Variants in PAWR observed in about 807,000 individuals in gnomAD.
The protein encoded by PAWR is pro-apoptotic WT1 regulator, also known as PRKC apoptosis WT1 regulator protein.
PAWR carries 23 observed loss-of-function variants against 32.0 expected under a neutral mutation model. That is an observed-to-expected ratio of 0.72 (90% CI 0.52 to 1.02). The LOEUF is 1.02. Among genes scored for constraint, PAWR ranks in the 50% least tolerant of loss-of-function variants. PAWR has a pLI of 0.00. For missense variants in PAWR, 457 were observed against 437.7 expected (o/e 1.04, Z -0.39); for synonymous variants, 226 against 187.1 (o/e 1.21, Z -1.70).
chr12:79,690,353 G>C lies in PAWR; in HGVS notation c.-109C>G. 2 of 1,350,360 alleles carry C rather than the reference G, an allele frequency of 1.5e-6. No homozygotes were observed. The allele number at this position is 1,350,360 out of a possible 1,614,324, so 83.6% of individuals were successfully genotyped here. A position where few individuals can be genotyped will look rare whatever the true frequency, so the allele number is the denominator to read the frequency against. On this transcript the variant is annotated 5_prime_UTR_variant, in exon 2 of 7. Transcript: ENST00000328827. Reference sequence around the variant, plus strand: ...CGAGGATGCCAGGAGACGACCTCCAGGAGAGGGACGGCCGCCGCTCCCACA... The same window carrying C: ...CGAGGATGCCAGGAGACGACCTCCACGAGAGGGACGGCCGCCGCTCCCACA...
At chr12:79,639,511 T>C (rs1341713862) in intron 2 of PAWR, among the ~76,000 whole-genome samples, 4 of 152,200 alleles carry the variant, frequency 2.6e-5, no homozygotes, top group East Asian at 3.9e-4. Context: ...GTAAAGTTCA[T>C]CTTTAGCCTC....
chr12:79,609,260 T>C (rs1041593002), intron 4 of PAWR, among the ~76,000 whole-genome samples: 2 of 152,170 alleles, frequency 1.3e-5, no homozygotes, highest in African/African-American at 2.4e-5. Context: ...GGTTTCCTTA[T>C]AGAAGCTGGT....
At chr12:79,630,703 C>T (rs1875576971) in intron 2 of PAWR, among the ~76,000 whole-genome samples, 1 of 151,974 alleles carries the variant, frequency 6.6e-6, no homozygotes, top group Non-Finnish European at 1.5e-5. Flanking sequence ...CTGAACAGCT[C>T]TCTATCTAGT....
At chr12:79,597,945 T>TA (rs1342960701) in intron 4 of PAWR, 1 of 152,214 alleles carries the variant, frequency 6.6e-6, no homozygotes, top group Non-Finnish European at 1.5e-5. Context: ...TCTGAAGGCT[T>TA]AACTGGGCTG....
At chr12:79,675,715 T>C (rs79598508) in intron 2 of PAWR, among the ~76,000 whole-genome samples, 1,735 of 152,160 alleles carry the variant, frequency 0.011, 20 homozygotes, top group Non-Finnish European at 0.019. Context: ...AAGGAAACAA[T>C]AGTCACTGGG....
At position 79,591,766 on chromosome 12, in the gene PAWR, A is replaced by C. The variant is rs902394269; in HGVS notation, c.*841T>G. 2 of 152,216 alleles carry C rather than the reference A, an allele frequency of 1.3e-5. No homozygotes were observed. The highest frequency in any genetic ancestry group is 4.8e-5 in the African/African-American group (2 of 41,440). 9.4% of individuals were successfully genotyped at this position (152,216 alleles called of 1,614,324 possible). On this transcript the variant is annotated 3_prime_UTR_variant, in exon 7 of 7. Transcript: ENST00000328827. Reference sequence around the variant, plus strand: ...TATTTTGGTTTTTAGTGTGCATGCTAATATAAAAATATGGATTTTTTTCTC... The same window carrying C: ...TATTTTGGTTTTTAGTGTGCATGCTCATATAAAAATATGGATTTTTTTCTC...
intron 2 of PAWR, among the ~76,000 whole-genome samples, chr12:79,633,163 A>G (rs762662940): frequency 1.3e-5 from 2 of 152,066 alleles, no homozygotes; most frequent in Admixed American, 6.6e-5. Context: ...CAAAAAAACT[A>G]TCAAAATTAA....
intron 2 of PAWR, among the ~76,000 whole-genome samples, chr12:79,628,772 T>A (rs556493647): frequency 6.6e-6 from 1 of 152,204 alleles, no homozygotes; most frequent in Admixed American, 6.5e-5. Context: ...TATTTTGGTA[T>A]CTCCTTAACA....
intron 2 of PAWR, among the ~76,000 whole-genome samples, chr12:79,636,151 A>AT (rs1312695677): frequency 1.2e-4 from 19 of 152,186 alleles, no homozygotes; most frequent in African/African-American, 4.3e-4. Flanking sequence ...TACTACTAAC[A>AT]TTTCTATTAC....
intron 2 of PAWR, 122 bp from the exon 3 acceptor site, chr12:79,621,329 A>G: frequency 1.3e-6 from 1 of 742,660 alleles, no homozygotes; most frequent in Non-Finnish European, 2.1e-6. Flanking sequence ...TTTGCATAAT[A>G]AAAGTATTTT....
Position 79,689,900 on chromosome 12 carries a change from G to C in PAWR, c.345C>G (p.Ala115=). The change falls in exon 2 of 7, where the codon GCC becomes GCG. Residue 115 remains alanine (A), a synonymous_variant. Transcript: ENST00000328827. ...GGGGCGGCGGTGCAGCCGAGGCAGA[G>C]GCGGCTGGGGGCTCGTCCTCCGACC... The part of the protein sequence containing the change: ...PRRSEDEPPA[A]SASAAPPPQR... 1 of 1,488,172 alleles carries C rather than the reference G, an allele frequency of 6.7e-7. No individual in the cohort carries two copies. The highest frequency in any genetic ancestry group is 8.9e-7 in the Non-Finnish European group (1 of 1,120,690). The allele number at this position is 1,488,172 out of a possible 1,614,324, so 92.2% of individuals were successfully genotyped here.
chr12:79,604,795 C>T (rs193302343), intron 4 of PAWR: 1 of 624,666 alleles, frequency 1.6e-6, no homozygotes, highest in African/African-American at 2.0e-5. Flanking sequence ...TTATATTAAA[C>T]TCTCATAACT....
chr12:79,663,172 T>C (rs1877430447), intron 2 of PAWR, among the ~76,000 whole-genome samples: 1 of 152,210 alleles, frequency 6.6e-6, no homozygotes, highest in Admixed American at 6.5e-5. Flanking sequence ...CTTGCTCCCT[T>C]GGTGTGGCCA....
intron 2 of PAWR, among the ~76,000 whole-genome samples, chr12:79,643,142 T>C (rs1286917956): frequency 6.6e-6 from 1 of 152,190 alleles, no homozygotes; most frequent in Non-Finnish European, 1.5e-5. Flanking sequence ...ATTTATCTTT[T>C]ACTCACTAGT....
chr12:79,669,708 C>A (rs923261130), intron 2 of PAWR, among the ~76,000 whole-genome samples: 2 of 151,588 alleles, frequency 1.3e-5, no homozygotes, highest in Non-Finnish European at 2.9e-5. Context: ...AATGAATAAA[C>A]AGTTATTCAT....
intron 2 of PAWR, among the ~76,000 whole-genome samples, chr12:79,654,372 T>C (rs1194646369): frequency 6.6e-6 from 1 of 152,038 alleles, no homozygotes; most frequent in African/African-American, 2.4e-5. Flanking sequence ...TGTTTCCATA[T>C]AAATACAAAG....
At chr12:79,640,645 G>T (rs1876276836) in intron 2 of PAWR, among the ~76,000 whole-genome samples, 1 of 152,154 alleles carries the variant, frequency 6.6e-6, no homozygotes, top group Non-Finnish European at 1.5e-5. Flanking sequence ...GGAGGCTGAG[G>T]TAGGAGGATC....
At chr12:79,605,768 C>T (rs558350827) in intron 4 of PAWR, among the ~76,000 whole-genome samples, 7 of 152,066 alleles carry the variant, frequency 4.6e-5, no homozygotes, top group African/African-American at 1.4e-4. Flanking sequence ...TAGCAAATGA[C>T]GAGACACAAA....
chr12:79,675,350 A>G (rs1308419262), intron 2 of PAWR, among the ~76,000 whole-genome samples: 2 of 152,086 alleles, frequency 1.3e-5, no homozygotes, highest in South Asian at 2.1e-4. Context: ...CTGCACCCCA[A>G]CCTGGGTGAC....
Sources: allele counts gnomAD v4.1 joint callset (sites outside exome capture counted in the v4.1 genomes callset), GRCh38; gene constraint gnomAD v4.1.1; transcripts MANE v1.5; gene names NCBI Gene and HGNC (gene_info 2026-07-23, HGNC 2026-07-21).